Variants in RARB observed in about 807,000 individuals in gnomAD.
RARB encodes the protein HBV-activated protein.
RARB carries 17 observed loss-of-function variants against 51.9 expected under a neutral mutation model. The ratio of observed to expected loss-of-function variants is 0.33; its 90% CI spans 0.22 to 0.49. The LOEUF (loss-of-function observed/expected upper bound fraction) is 0.49. RARB is among the 20% of genes least tolerant of loss of function. RARB has a pLI of 0.99. For missense variants in RARB, 369 were observed against 550.8 expected (o/e 0.67, Z 3.30); for synonymous variants, 215 against 195.4 (o/e 1.10, Z -0.84).
At chr3:25,479,625 G>C (rs1696130947) in intron 2 of RARB, among the ~76,000 whole-genome samples, 1 of 152,174 alleles carries the variant, frequency 6.6e-6, no homozygotes, top group Non-Finnish European at 1.5e-5. Context: ...TGACAGCTCT[G>C]AATTGTTACT....
intron 2 of RARB, among the ~76,000 whole-genome samples, chr3:24,923,958 G>A (rs1176746666): frequency 6.6e-6 from 1 of 152,100 alleles, no homozygotes; most frequent in Non-Finnish European, 1.5e-5. Flanking sequence ...GAAATTAACA[G>A]GTGAAATAAT....
intron 3 of RARB, among the ~76,000 whole-genome samples, chr3:25,098,355 A>T (rs79752743): frequency 0.046 from 6,993 of 152,296 alleles, 266 homozygotes; most frequent in African/African-American, 0.1. Flanking sequence ...ATTGTAGCAC[A>T]TAACTTAGAA....
chr3:25,412,559 CTTGT>C (rs1707590410), intron 5 of RARB, among the ~76,000 whole-genome samples: 1 of 152,134 alleles, frequency 6.6e-6, no homozygotes, highest in Non-Finnish European at 1.5e-5. Flanking sequence ...TGAGAGTTTG[CTTGT>C]TTGTTTGTTT....
chr3:25,102,423 C>G (rs1699421005), intron 3 of RARB, among the ~76,000 whole-genome samples: 1 of 151,830 alleles, frequency 6.6e-6, no homozygotes, highest in East Asian at 1.9e-4. Flanking sequence ...GCTTGTAATC[C>G]CAACTACTCG....
At chr3:25,542,255 T>G (rs1488638949) in intron 3 of RARB, among the ~76,000 whole-genome samples, 1 of 152,238 alleles carries the variant, frequency 6.6e-6, no homozygotes, top group African/African-American at 2.4e-5. Context: ...GGCCATGTTT[T>G]TCCATTCTAC....
intron 4 of RARB, among the ~76,000 whole-genome samples, chr3:25,134,652 C>A (rs180851020): frequency 9.9e-5 from 15 of 151,936 alleles, no homozygotes; most frequent in African/African-American, 3.6e-4. Context: ...ATTCTCCATT[C>A]TTCTCATCAA....
intron 2 of RARB, among the ~76,000 whole-genome samples, chr3:24,931,785 A>G (rs1431553811): frequency 6.6e-6 from 1 of 151,968 alleles, no homozygotes; most frequent in Non-Finnish European, 1.5e-5. Context: ...TGCCACAGCA[A>G]TACAGGGCAA....
chr3:25,362,161 T>C (rs1705961394), intron 5 of RARB, among the ~76,000 whole-genome samples: 1 of 152,222 alleles, frequency 6.6e-6, no homozygotes. Flanking sequence ...CTGGGGCTGC[T>C]GCCTTTCTTT....
chr3:24,956,512 C>G (rs1696017811), intron 2 of RARB, among the ~76,000 whole-genome samples: 1 of 152,120 alleles, frequency 6.6e-6, no homozygotes, highest in Non-Finnish European at 1.5e-5. Flanking sequence ...TACAAACATT[C>G]TGCCTGGCTC....
At chr3:25,046,430 C>T (rs1184463899) in intron 2 of RARB, among the ~76,000 whole-genome samples, 1 of 151,996 alleles carries the variant, frequency 6.6e-6, no homozygotes, top group African/African-American at 2.4e-5. Flanking sequence ...ATATCCTAGG[C>T]TTCTATTGGG....
At chr3:24,939,173 TG>T (rs1238005042) in intron 2 of RARB, among the ~76,000 whole-genome samples, 11 of 152,196 alleles carry the variant, frequency 7.2e-5, no homozygotes, top group Admixed American at 5.9e-4. Flanking sequence ...TAGTAGAAAC[TG>T]GGTTTCATTG....
At chr3:25,258,362 A>G (rs1186304635) in intron 5 of RARB, among the ~76,000 whole-genome samples, 4 of 152,160 alleles carry the variant, frequency 2.6e-5, no homozygotes, top group East Asian at 1.9e-4. Context: ...ATGTTGTTTT[A>G]TGGTCGCAAT....
chr3:25,157,350 T>TTG (rs748559000), intron 4 of RARB, among the ~76,000 whole-genome samples: 118 of 145,090 alleles, frequency 8.1e-4, no homozygotes, highest in Non-Finnish European at 1.3e-3. Context: ...GTGTGTGTGT[T>TTG]TGTGTGTGTG....
chr3:25,313,688 T>C (rs568213663), intron 5 of RARB, among the ~76,000 whole-genome samples: 4 of 152,314 alleles, frequency 2.6e-5, no homozygotes, highest in African/African-American at 7.2e-5. Flanking sequence ...GGATCTAAGG[T>C]TTATGCAATT....
At chr3:25,481,565 G>A (rs374285403) in intron 2 of RARB, among the ~76,000 whole-genome samples, 1 of 152,194 alleles carries the variant, frequency 6.6e-6, no homozygotes, top group Non-Finnish European at 1.5e-5. Flanking sequence ...TGCAGAGCCT[G>A]TCTGTTATGG....
chr3:25,015,882 A>G (rs534474045), intron 2 of RARB, among the ~76,000 whole-genome samples: 8 of 152,314 alleles, frequency 5.3e-5, no homozygotes, highest in South Asian at 4.1e-4. Flanking sequence ...TACATAAATA[A>G]ATCAAGTCAT....
At chr3:25,450,915 T>C (rs1709165670) in intron 1 of RARB, among the ~76,000 whole-genome samples, 1 of 152,002 alleles carries the variant, frequency 6.6e-6, no homozygotes, top group Non-Finnish European at 1.5e-5. Flanking sequence ...TGAAACCCGG[T>C]TTCCACTAAA....
chr3:25,283,184 T>C (rs115073664), intron 5 of RARB, among the ~76,000 whole-genome samples: 1 of 152,174 alleles, frequency 6.6e-6, no homozygotes, highest in African/African-American at 2.4e-5. Flanking sequence ...ATAGTATTAA[T>C]AAGGCCAAAA....
At chr3:25,077,565 T>A (rs1445523469) in intron 3 of RARB, among the ~76,000 whole-genome samples, 1 of 152,032 alleles carries the variant, frequency 6.6e-6, no homozygotes, top group Non-Finnish European at 1.5e-5. Flanking sequence ...AATATATCTC[T>A]ATTTATCTAT....
Sources: gnomAD v4.1 joint callset for allele counts (sites outside exome capture counted in the v4.1 genomes callset) on GRCh38, gnomAD v4.1.1 for gene constraint, MANE v1.5 for transcripts, NCBI Gene and HGNC (gene_info 2026-07-23, HGNC 2026-07-21) for gene names.